GPR155: variants seen among roughly 807,000 people sequenced by gnomAD.
The protein encoded by GPR155 is G protein-coupled receptor 155, also known as lysosomal cholesterol signaling protein.
A neutral mutation model predicts 93.1 loss-of-function variants in GPR155; 65 were observed. That is an observed-to-expected ratio of 0.70 (90% CI 0.57 to 0.86). GPR155 has a LOEUF of 0.86. GPR155 is among the 40% of genes least tolerant of loss of function. The pLI, the probability that GPR155 is intolerant of heterozygous loss-of-function variation, is 0.00. For synonymous variants in GPR155, 319 were observed against 360.1 expected, an observed-to-expected ratio of 0.89 and a Z score of 1.29; for missense variants, 838 against 1,034.8, an observed-to-expected ratio of 0.81 and a Z score of 2.61.
intron 11 of GPR155, among the ~76,000 whole-genome samples, chr2:174,448,530 G>GTTTTTT (rs565221876): frequency 9.9e-6 from 1 of 100,964 alleles, no homozygotes; most frequent in African/African-American, 4.1e-5. Flanking sequence ...TTTGTTTTTT[G>GTTTTTT]TTTTTTTTTT....
chr2:174,486,205 C>T (rs1430027718), intron 1 of GPR155, among the ~76,000 whole-genome samples: 2 of 152,198 alleles, frequency 1.3e-5, no homozygotes, highest in Non-Finnish European at 2.9e-5. Context: ...CAAATGTCCT[C>T]CCTAGAGACC....
chr2:174,452,018 GAAATTTGCC>G (rs1205063326), intron 11 of GPR155, among the ~76,000 whole-genome samples: 1 of 152,170 alleles, frequency 6.6e-6, no homozygotes, highest in African/African-American at 2.4e-5. Flanking sequence ...GAGGGAAAAA[GAAATTTGCC>G]AAATCAGATT....
At chr2:174,454,733 GAAGGAAGGAA>G (rs1474228283) in intron 10 of GPR155, among the ~76,000 whole-genome samples, 1 of 75,148 alleles carries the variant, frequency 1.3e-5, no homozygotes, top group East Asian at 2.7e-4. Flanking sequence ...AAAGGGAAGG[GAAGGAAGGAA>G]AAGGAAGGAA....
chr2:174,484,256 G>GTTGGTACAGATACA (rs1342103153), intron 1 of GPR155, among the ~76,000 whole-genome samples: 2 of 152,174 alleles, frequency 1.3e-5, no homozygotes, highest in African/African-American at 4.8e-5. Context: ...TTATATCTTG[G>GTTGGTACAGATACA]GAAAGCTACC....
At chr2:174,472,618 TGTCTTTAGG>T (rs1180189227) in intron 3 of GPR155, among the ~76,000 whole-genome samples, 1 of 152,238 alleles carries the variant, frequency 6.6e-6, no homozygotes, top group Admixed American at 6.5e-5. Flanking sequence ...AAGATGCTTT[TGTCTTTAGG>T]GTCTTTATGG....
chr2:174,448,547 T>G (rs1687219502), intron 11 of GPR155, among the ~76,000 whole-genome samples: 1 of 98,966 alleles, frequency 1.0e-5, no homozygotes, highest in East Asian at 2.4e-4. Flanking sequence ...TTTTTTTTTT[T>G]TGAGACGGAG....
chr2:174,455,893 T>A (rs1574712271), intron 10 of GPR155, among the ~76,000 whole-genome samples: 1 of 152,124 alleles, frequency 6.6e-6, no homozygotes, highest in African/African-American at 2.4e-5. Flanking sequence ...CAGGCTGGAG[T>A]GCAGTGGCAC....
At chr2:174,485,798 C>A (rs1356861008) in intron 1 of GPR155, among the ~76,000 whole-genome samples, 1 of 148,376 alleles carries the variant, frequency 6.7e-6, no homozygotes, top group Non-Finnish European at 1.5e-5. Context: ...GGAACCACAG[C>A]AAGGGAAGTT....
chr2:174,456,196 A>T (rs1260540312), intron 10 of GPR155, among the ~76,000 whole-genome samples: 4 of 152,184 alleles, frequency 2.6e-5, no homozygotes, highest in African/African-American at 9.7e-5. Flanking sequence ...GGATCTGTAT[A>T]AAGGGGTCAG....
intron 15 of GPR155, among the ~76,000 whole-genome samples, chr2:174,438,010 T>C (rs1686840667): frequency 6.6e-6 from 1 of 151,560 alleles, no homozygotes; most frequent in African/African-American, 2.4e-5. Flanking sequence ...CAGCACTTTT[T>C]TTGGGAGGCC....
At chr2:174,448,704 ATT>A (rs1407425080) in intron 11 of GPR155, among the ~76,000 whole-genome samples, 1 of 150,936 alleles carries the variant, frequency 6.6e-6, no homozygotes, top group Non-Finnish European at 1.5e-5. Flanking sequence ...CGCCCGGCTA[ATT>A]TTTTGTATTT....
In GPR155 at chr2:174,446,653, T is replaced by A; in HGVS notation, c.1971A>T (p.Arg657=). ...YLQSGDQQLT[R]HVLLCLLLII... ...TGAGAAGTAAACACAGCAACACATG[T>A]CGGGTCAGTTGCTGGTCTCCACTCT... The change falls in exon 12 of 16, where the codon CGA becomes CGT. Residue 657 remains arginine, a synonymous_variant. Transcript: ENST00000392552. The A allele has an allele frequency of 1.9e-6, 3 of 1,613,926 alleles. No homozygotes were observed. Among genetic ancestry groups the A allele is most frequent in the Non-Finnish European group, 2.5e-6 (3 of 1,179,830 alleles).
In GPR155 at chr2:174,465,847, A is replaced by G; in HGVS notation, c.1322T>C (p.Val441Ala). The G allele has an allele frequency of 6.2e-7, 1 of 1,609,238 alleles. No homozygotes were observed. The highest frequency in any genetic ancestry group is 8.5e-7 in the Non-Finnish European group (1 of 1,176,324). The change falls in exon 7 of 16, where the codon GTT becomes GCT. Residue 441 changes from valine to alanine, a missense_variant. By Grantham distance (64) the Val-to-Ala change is moderately conservative. This residue lies in a region of GPR155 where 663 missense variants were observed against 790.1 expected (regional missense o/e 0.84). Coordinates refer to ENST00000392552, the MANE Select transcript of GPR155 (RefSeq NM_152529.7). Reference sequence around the variant, plus strand: ...TAGAACAAACACCAAAATTTGTCCAACAAAATTTTTTTCTTTAACAAAATT... The same window carrying G: ...TAGAACAAACACCAAAATTTGTCCAGCAAAATTTTTTTCTTTAACAAAATT... ...IWNFVKEKNF[V>A]GQILVFVLLY...
chr2:174,444,534 C>G (rs894385310), intron 13 of GPR155, among the ~76,000 whole-genome samples: 1 of 147,222 alleles, frequency 6.8e-6, no homozygotes, highest in African/African-American at 2.5e-5. Context: ...ACTCTGTCAC[C>G]CAGGCTGGAG....
At chr2:174,485,077 T>C (rs886289284) in intron 1 of GPR155, among the ~76,000 whole-genome samples, 3 of 152,188 alleles carry the variant, frequency 2.0e-5, no homozygotes, top group South Asian at 2.1e-4. Context: ...ACATAACTGG[T>C]AAAAGATCCA....
chr2:174,485,489 C>A (rs1446223565), intron 1 of GPR155, among the ~76,000 whole-genome samples: 4 of 151,242 alleles, frequency 2.6e-5, no homozygotes. Flanking sequence ...CCCAGCTACT[C>A]GGGAAGCTGA....
intron 2 of GPR155, among the ~76,000 whole-genome samples, chr2:174,477,085 T>G (rs372431909): frequency 3.9e-5 from 6 of 152,214 alleles, no homozygotes; most frequent in East Asian, 3.8e-4. Flanking sequence ...AGTAAACATG[T>G]ATTTTCTAAT....
rs774294674 is a variant in GPR155, at chr2:174,436,238, A to G, written c.2491T>C (p.Tyr831His). Residue 831 changes from tyrosine (Y) to histidine (H), a missense_variant, in exon 16 of 16, where the codon TAC becomes CAC. Coordinates refer to ENST00000392552, the MANE Select transcript of GPR155 (RefSeq NM_152529.7). ...TCAGGACTCTTTTGAAGAAATCTGT[A>G]AAACAAGTACTCATCCCGGAATTCA... ...EYEFRDEYLF[Y>H]RFLQKSPEQS... 3 of 1,614,020 alleles carry G rather than the reference A, an allele frequency of 1.9e-6. No individual in the cohort carries two copies. Among genetic ancestry groups the G allele is most frequent in the Non-Finnish European group, 2.5e-6 (3 of 1,179,844 alleles).
chr2:174,461,622 T>C lies in GPR155; in HGVS notation c.1435A>G (p.Ile479Val), dbSNP rs1327328430. The C allele has an allele frequency of 1.9e-6, 3 of 1,612,108 alleles. No individual in the cohort carries two copies. The South Asian group carries it at 3.3e-5, about 18-fold the overall frequency. ...GATATTATGATTATTCCAACAGGAA[T>C]TTGTACCCTCTCTCGCTTTTTCAAA... ...FLLKKRERVQ[I>V]PVGIIIISGW... Residue 479 changes from isoleucine to valine, a missense_variant, in exon 8 of 16, where the codon ATT becomes GTT. Around this residue, in one of 3 missense-constraint regions of GPR155, gnomAD observed 663 missense variants for 790.1 expected, o/e 0.84. Transcript: ENST00000392552.
Sources: allele counts gnomAD v4.1 joint callset (sites outside exome capture counted in the v4.1 genomes callset), GRCh38; gene constraint gnomAD v4.1.1; regional missense constraint gnomAD v4.1.1; transcripts MANE v1.5; gene names NCBI Gene and HGNC (gene_info 2026-07-23, HGNC 2026-07-21).